UGT1A8: variants seen among roughly 807,000 people sequenced by gnomAD.
UGT1A8 encodes UDP glucuronosyltransferase family 1 member A8, also known as UDP-glucuronosyltransferase 1A8.
UGT1A8 carries 39 observed loss-of-function variants against 45.3 expected under a neutral mutation model. That is an observed-to-expected ratio of 0.86 (90% CI 0.67 to 1.12). The LOEUF (loss-of-function observed/expected upper bound fraction) is 1.12. UGT1A8 is among the 50% of genes most tolerant of loss of function. UGT1A8 has a pLI of 0.00. For synonymous variants in UGT1A8, 275 were observed against 249.2 expected (o/e 1.10, Z -0.97); for missense variants, 719 against 664.9 (o/e 1.08, Z -0.90).
Position 233,697,029 on chromosome 2 carries a change from G to A in UGT1A8, c.856-70005G>A, listed in dbSNP as rs561369376. ...CTATGTTCGTCAGAGATATGGGCCC[G>A]CAGTTTTCTTTTTTTTTGTTGTGTC... On this transcript the variant is annotated intron_variant, in intron 1 of 4. Transcript: ENST00000373450. 2.5e-4 allele frequency among the ~76,000 whole-genome samples: 38 copies of A among 152,092 alleles called. No homozygotes were observed. In the South Asian group the frequency reaches 7.3e-3, roughly 29 times the overall value.
At chr2:233,653,030 T>G (rs1308157713) in intron 1 of UGT1A8, among the ~76,000 whole-genome samples, 1 of 152,194 alleles carries the variant, frequency 6.6e-6, no homozygotes, top group East Asian at 1.9e-4. Context: ...TGAACCCACA[T>G]GGCCTCTCTA....
At chr2:233,682,444 C>T (rs770529421) in intron 1 of UGT1A8, 4 of 1,613,736 alleles carry the variant, frequency 2.5e-6, no homozygotes, top group Non-Finnish European at 3.4e-6. Flanking sequence ...TGGTCTTCGC[C>T]AGGGGAATAT....
intron 1 of UGT1A8, among the ~76,000 whole-genome samples, chr2:233,766,129 A>G (rs1046451620): frequency 6.6e-6 from 1 of 152,192 alleles, no homozygotes; most frequent in Non-Finnish European, 1.5e-5. Context: ...GGTGTACCAG[A>G]AGAATCGAAT....
At chr2:233,715,779 TA>T (rs1348568984) in intron 1 of UGT1A8, among the ~76,000 whole-genome samples, 1 of 152,020 alleles carries the variant, frequency 6.6e-6, no homozygotes, top group Non-Finnish European at 1.5e-5. Context: ...CTCAAAAAAA[TA>T]AAAATTTATT....
In UGT1A8 at chr2:233,773,267, C is replaced by T. The variant is rs1428279395; in HGVS notation, c.*708C>T. ...ACTTTTTTTCTGATGTTTCCTACAA[C>T]TAAAAATAAATTAATAAATTTATAT... On this transcript the variant is annotated 3_prime_UTR_variant, in exon 5 of 5. Transcript: ENST00000373450. 6.6e-6 allele frequency: 1 copy of T among 152,172 alleles called. No individual in the cohort carries two copies. Among genetic ancestry groups the T allele is most frequent in the Non-Finnish European group, 1.5e-5 (1 of 68,020 alleles). The allele number at this position is 152,172 out of a possible 1,614,324, so 9.4% of individuals were successfully genotyped here. A position where few individuals can be genotyped will look rare whatever the true frequency, so the allele number is the denominator to read the frequency against.
Position 233,755,903 on chromosome 2 carries a change from T to G in UGT1A8, c.856-11131T>G, listed in dbSNP as rs537567684. ...TTATGTAACTTTTTTTGAGACAAAATGTAGTGAGAAGAGTGGCATCGTTTT... is the reference window on the plus strand; with the variant it reads ...TTATGTAACTTTTTTTGAGACAAAAGGTAGTGAGAAGAGTGGCATCGTTTT... On this transcript the variant is annotated intron_variant, in intron 1 of 4. Transcript: ENST00000373450. 8 of 152,096 alleles carry G rather than the reference T, an allele frequency of 5.3e-5. No individual in the cohort carries two copies. The South Asian group carries it at 1.7e-3, about 32-fold the overall frequency. 9.4% of individuals were successfully genotyped at this position (152,096 alleles called of 1,614,324 possible). A position where few individuals can be genotyped will look rare whatever the true frequency, so the allele number is the denominator to read the frequency against.
At chr2:233,670,832 C>T (rs546940150) in intron 1 of UGT1A8, among the ~76,000 whole-genome samples, 1 of 152,182 alleles carries the variant, frequency 6.6e-6, no homozygotes, top group African/African-American at 2.4e-5. Flanking sequence ...AAGACCGTCT[C>T]TTACTGGCAA....
chr2:233,772,622 C>A lies in UGT1A8; in HGVS notation c.*63C>A, dbSNP rs894885863. 5 of 1,567,432 alleles carry A rather than the reference C, an allele frequency of 3.2e-6. No homozygotes were observed. The highest frequency in any genetic ancestry group is 3.5e-6 in the Non-Finnish European group (4 of 1,155,382). ...CCCTAGTCATTTCCAAACTTGAAAA[C>A]AGAATCAGTGTTAAATTCATTTTAT... On this transcript the variant is annotated 3_prime_UTR_variant, in exon 5 of 5. Transcript: ENST00000373450.
intron 1 of UGT1A8, among the ~76,000 whole-genome samples, chr2:233,620,650 G>T (rs1164168269): frequency 6.6e-6 from 1 of 152,082 alleles, no homozygotes; most frequent in African/African-American, 2.4e-5. Flanking sequence ...ACTTGCAGAA[G>T]GTTATGTGTA....
chr2:233,716,576 A>G, intron 1 of UGT1A8, among the ~76,000 whole-genome samples: 1 of 152,194 alleles, frequency 6.6e-6, no homozygotes. Flanking sequence ...TAAAAACAAT[A>G]CTTTCAAAGA....
intron 1 of UGT1A8, among the ~76,000 whole-genome samples, chr2:233,727,669 C>T (rs531135628): frequency 6.8e-4 from 104 of 152,310 alleles, no homozygotes; most frequent in Non-Finnish European, 1.3e-3. Flanking sequence ...TATGTCCTTA[C>T]AAATTCCCAG....
Position 233,742,052 on chromosome 2 carries a change from GT to G in UGT1A8, c.856-24980del, listed in dbSNP as rs1691857314. On this transcript the variant is annotated intron_variant, in intron 1 of 4. Coordinates refer to ENST00000373450, the MANE Select transcript of UGT1A8 (RefSeq NM_019076.5). ...ATGTCCCAAGCATAGCAATAGGATA[GT>G]TCTGTGTGGCCTTATGGAGATCCTT... 2.0e-5 allele frequency: 3 copies of G among 151,942 alleles called. 1 individual carries two copies. Among genetic ancestry groups the G allele is most frequent in the African/African-American group, 7.3e-5 (3 of 41,170 alleles). The allele number at this position is 151,942 out of a possible 1,614,324, so 9.4% of individuals were successfully genotyped here.
intron 1 of UGT1A8, among the ~76,000 whole-genome samples, chr2:233,745,008 AATGTAAATGCT>A (rs1243749653): frequency 6.6e-6 from 1 of 151,846 alleles, no homozygotes; most frequent in Non-Finnish European, 1.5e-5. Flanking sequence ...TTACCTAATA[AATGTAAATGCT>A]ATGTAAATAG....
intron 1 of UGT1A8, among the ~76,000 whole-genome samples, chr2:233,627,585 G>T (rs568787422): frequency 2.0e-5 from 3 of 151,756 alleles, no homozygotes; most frequent in Non-Finnish European, 4.4e-5. Context: ...TGGCATAGCT[G>T]CAGCAATGTC....
At chr2:233,726,576 C>A (rs1575567713) in intron 1 of UGT1A8, among the ~76,000 whole-genome samples, 1 of 152,154 alleles carries the variant, frequency 6.6e-6, no homozygotes, top group East Asian at 1.9e-4. Flanking sequence ...CGCCTGTCTC[C>A]TTCACTTGTA....
chr2:233,768,031 A>G (rs1699551852), intron 3 of UGT1A8, 95 bp downstream of exon 3: 2 of 1,612,748 alleles, frequency 1.2e-6, no homozygotes, highest in Non-Finnish European at 8.5e-7. Context: ...GAGCTTGAAA[A>G]TATTATGGCC....
chr2:233,654,751 A>G (rs1383325239), intron 1 of UGT1A8, among the ~76,000 whole-genome samples: 1 of 152,162 alleles, frequency 6.6e-6, no homozygotes, highest in Non-Finnish European at 1.5e-5. Flanking sequence ...CACATCTTGA[A>G]CAGACTGTTT....
At chr2:233,671,835 C>T (rs1211281534) in intron 1 of UGT1A8, 12 of 1,460,386 alleles carry the variant, frequency 8.2e-6, no homozygotes, top group African/African-American at 1.4e-5. Flanking sequence ...GATAAAAACA[C>T]GCCCTCTATT....
intron 1 of UGT1A8, among the ~76,000 whole-genome samples, chr2:233,676,610 T>G (rs2074366554): frequency 6.6e-6 from 1 of 152,204 alleles, no homozygotes; most frequent in African/African-American, 2.4e-5. Flanking sequence ...CTTTGTCTCC[T>G]CCAGCCTGTG....
Sources: gnomAD v4.1 joint callset for allele counts (sites outside exome capture counted in the v4.1 genomes callset) on GRCh38, gnomAD v4.1.1 for gene constraint, MANE v1.5 for transcripts, NCBI Gene and HGNC (gene_info 2026-07-23, HGNC 2026-07-21) for gene names.